TGFBR3: variants seen among roughly 807,000 people sequenced by gnomAD.
TGFBR3 encodes the protein transforming growth factor beta receptor 3, also known as transforming growth factor beta receptor type 3.
In TGFBR3, 46 loss-of-function variants were observed where a neutral mutation model predicts 87.9. The observed-to-expected ratio is 0.52, with a 90% CI of 0.41 to 0.67. The LOEUF (loss-of-function observed/expected upper bound fraction) is 0.67, where lower values mean the gene tolerates loss of function less well. Ranked by LOEUF, TGFBR3 falls within the 30% of genes least tolerant of loss-of-function variation. The pLI, the probability that TGFBR3 is intolerant of heterozygous loss-of-function variation, is 0.00. For synonymous variants in TGFBR3, 381 were observed against 391.6 expected, an observed-to-expected ratio of 0.97 and a Z score of 0.32; for missense variants, 866 against 1,041.9, an observed-to-expected ratio of 0.83 and a Z score of 2.32.
intron 3 of TGFBR3, among the ~76,000 whole-genome samples, chr1:91,781,856 T>G (rs1033604536): frequency 6.6e-6 from 1 of 152,154 alleles, no homozygotes; most frequent in Non-Finnish European, 1.5e-5. Flanking sequence ...AAAAGTAACT[T>G]GGAGTAGGCT....
intron 1 of TGFBR3, among the ~76,000 whole-genome samples, chr1:91,873,535 C>T (rs1227612793): frequency 2.0e-5 from 3 of 151,770 alleles, no homozygotes; most frequent in African/African-American, 7.3e-5. Flanking sequence ...GACAGGAGTC[C>T]TCGAGACTCC....
chr1:91,857,155 T>C (rs1198063596), intron 2 of TGFBR3, among the ~76,000 whole-genome samples: 1 of 152,182 alleles, frequency 6.6e-6, no homozygotes, highest in Non-Finnish European at 1.5e-5. Context: ...GCCTCACTGT[T>C]TGAGGCCACC....
intron 3 of TGFBR3, among the ~76,000 whole-genome samples, chr1:91,772,274 C>A (rs1674406189): frequency 6.6e-6 from 1 of 152,152 alleles, no homozygotes; most frequent in African/African-American, 2.4e-5. Flanking sequence ...AATGAACTTC[C>A]ATTACCTGAC....
intron 2 of TGFBR3, among the ~76,000 whole-genome samples, chr1:91,839,673 T>C (rs1677194953): frequency 6.6e-6 from 1 of 152,130 alleles, no homozygotes; most frequent in South Asian, 2.1e-4. Flanking sequence ...TTGAGGGACA[T>C]TCTCCAGTAG....
chr1:91,876,537 A>G (rs1678817249), intron 1 of TGFBR3, among the ~76,000 whole-genome samples: 1 of 151,756 alleles, frequency 6.6e-6, no homozygotes. Context: ...GGCAGCAGGG[A>G]CTACATTTCA....
intron 2 of TGFBR3, among the ~76,000 whole-genome samples, chr1:91,830,626 C>T (rs996260839): frequency 3.3e-5 from 5 of 152,006 alleles, no homozygotes; most frequent in African/African-American, 9.7e-5. Flanking sequence ...GGAGTCTGCC[C>T]CCTGAGGAGA....
In TGFBR3 at chr1:91,681,383, G is replaced by T. The variant is rs759637948; in HGVS notation, c.*2356C>A. 14 of 405,948 alleles carry T rather than the reference G, an allele frequency of 3.4e-5. No individual in the cohort carries two copies. The East Asian group carries it at 8.1e-4, about 24-fold the overall frequency. 25.1% of individuals were successfully genotyped at this position (405,948 alleles called of 1,614,324 possible). On this transcript the variant is annotated 3_prime_UTR_variant, in exon 17 of 17. Transcript: ENST00000212355. ...GACAATGAGACCCAAACAAATAAAAGGTGATTTTTTTCCTCTCTCTCTCTT... is the reference window on the plus strand; with the variant it reads ...GACAATGAGACCCAAACAAATAAAATGTGATTTTTTTCCTCTCTCTCTCTT...
intron 1 of TGFBR3, among the ~76,000 whole-genome samples, chr1:91,862,225 C>G (rs564545221): frequency 1.3e-5 from 2 of 152,032 alleles, no homozygotes; most frequent in East Asian, 1.9e-4. Context: ...CAAGGTGCAC[C>G]TGAAATATAA....
intron 2 of TGFBR3, among the ~76,000 whole-genome samples, chr1:91,822,663 A>G (rs1158296034): frequency 6.6e-6 from 1 of 152,200 alleles, no homozygotes; most frequent in African/African-American, 2.4e-5. Flanking sequence ...ATGGTGGTAC[A>G]CGCCTGTAAT....
chr1:91,891,405 G>A (rs1679444524), intron 2 of TGFBR3, among the ~76,000 whole-genome samples: 1 of 151,892 alleles, frequency 6.6e-6, no homozygotes, highest in African/African-American at 2.4e-5. Flanking sequence ...GGCTGAGGTG[G>A]GAGGATCACT....
chr1:91,762,842 C>T (rs1043697748), intron 3 of TGFBR3, among the ~76,000 whole-genome samples: 3 of 152,236 alleles, frequency 2.0e-5, no homozygotes, highest in African/African-American at 7.2e-5. Context: ...AGCAGATCTT[C>T]TGAGTGTTTT....
chr1:91,796,547 T>G (rs2101003566), intron 3 of TGFBR3, among the ~76,000 whole-genome samples: 1 of 152,340 alleles, frequency 6.6e-6, no homozygotes, highest in East Asian at 1.9e-4. Flanking sequence ...TACCGCCATC[T>G]TTATTCCAGA....
chr1:91,768,894 T>C (rs1427451869), intron 3 of TGFBR3, among the ~76,000 whole-genome samples: 1 of 151,990 alleles, frequency 6.6e-6, no homozygotes, highest in African/African-American at 2.4e-5. Flanking sequence ...CATAATTTCA[T>C]CTCTTCCAAG....
chr1:91,725,273 G>A (rs1672510731), intron 7 of TGFBR3, among the ~76,000 whole-genome samples: 1 of 152,010 alleles, frequency 6.6e-6, no homozygotes, highest in South Asian at 2.1e-4. Context: ...ATTTAATGGT[G>A]CTCTTCTTTA....
At chr1:91,705,521 G>A (rs1671772483) in intron 14 of TGFBR3, among the ~76,000 whole-genome samples, 1 of 151,554 alleles carries the variant, frequency 6.6e-6, no homozygotes, top group South Asian at 2.1e-4. Context: ...GAGCCACTGC[G>A]CCCAGCCCAC....
intron 2 of TGFBR3, among the ~76,000 whole-genome samples, chr1:91,859,607 C>A (rs868405954): frequency 2.4e-4 from 36 of 151,944 alleles, no homozygotes; most frequent in African/African-American, 7.7e-4. Flanking sequence ...ACAACAACAA[C>A]AAAAAAGGCC....
intron 2 of TGFBR3, among the ~76,000 whole-genome samples, chr1:91,827,856 C>T (rs1676700985): frequency 6.6e-6 from 1 of 152,216 alleles, no homozygotes. Context: ...TCACTCACTA[C>T]TCAGTGAATG....
At chr1:91,814,869 C>T (rs901526675) in intron 2 of TGFBR3, among the ~76,000 whole-genome samples, 8 of 152,004 alleles carry the variant, frequency 5.3e-5, no homozygotes, top group Non-Finnish European at 1.0e-4. Context: ...AAACATATAC[C>T]CGGCTGCAGT....
chr1:91,898,305 T>C (rs2101344573), intron 2 of TGFBR3, among the ~76,000 whole-genome samples: 1 of 152,298 alleles, frequency 6.6e-6, no homozygotes, highest in African/African-American at 2.4e-5. Context: ...GCTATTAGTA[T>C]GAATGTGTCC....
Sources: gnomAD v4.1 joint callset for allele counts (sites outside exome capture counted in the v4.1 genomes callset) on GRCh38, gnomAD v4.1.1 for gene constraint, MANE v1.5 for transcripts, NCBI Gene and HGNC (gene_info 2026-07-23, HGNC 2026-07-21) for gene names.